The following ATPAF1 variants were observed in gnomAD, a reference collection of about 807,000 sequenced individuals.
ATPAF1 encodes homolog of yeast ATP11.
A neutral mutation model predicts 43.9 loss-of-function variants in ATPAF1; 26 were observed. The observed-to-expected ratio is 0.59, with a 90% CI of 0.43 to 0.82. ATPAF1 has a LOEUF of 0.82. Ranked by LOEUF, ATPAF1 falls within the 40% of genes least tolerant of loss-of-function variation. The pLI, the probability that ATPAF1 is intolerant of heterozygous loss-of-function variation, is 0.00. For synonymous variants in ATPAF1, 157 were observed against 168.0 expected, an observed-to-expected ratio of 0.93 and a Z score of 0.50; for missense variants, 366 against 435.0, an observed-to-expected ratio of 0.84 and a Z score of 1.41.
At chr1:46,637,688 A>T (rs1675868335) in intron 8 of ATPAF1, among the ~76,000 whole-genome samples, 1 of 152,164 alleles carries the variant, frequency 6.6e-6, no homozygotes, top group Non-Finnish European at 1.5e-5. Flanking sequence ...GACTTTCAGG[A>T]CATTTCTCAT....
At chr1:46,646,054 T>G (rs1461062216) in intron 6 of ATPAF1, among the ~76,000 whole-genome samples, 1 of 152,214 alleles carries the variant, frequency 6.6e-6, no homozygotes, top group African/African-American at 2.4e-5. Context: ...CATGTGCCTG[T>G]TGTCCTAGCT....
chr1:46,640,907 C>T (rs1343966969), intron 8 of ATPAF1, among the ~76,000 whole-genome samples: 1 of 152,100 alleles, frequency 6.6e-6, no homozygotes, highest in Non-Finnish European at 1.5e-5. Flanking sequence ...ACCACTACCT[C>T]TATCCATCTA....
chr1:46,655,207 G>T (rs1676249200), intron 4 of ATPAF1, among the ~76,000 whole-genome samples: 1 of 152,068 alleles, frequency 6.6e-6, no homozygotes, highest in African/African-American at 2.4e-5. Flanking sequence ...TGGGGATTAT[G>T]GGAACTACAA....
upstream of ATPAF1, chr1:46,668,405 C>A: frequency 8.5e-7 from 1 of 1,181,900 alleles, no homozygotes; most frequent in Non-Finnish European, 1.0e-6. This position sits in a 1 kb window ranked among gnomAD's most constrained non-coding sequence, Gnocchi z 4.4. Flanking sequence ...GCTCCGAGTG[C>A]GCCGCGCCCG....
rs1275354745 is a variant in ATPAF1 at position 46,668,346 on chromosome 1, C to T, written c.-24G>A. The T allele has an allele frequency of 5.2e-6, 7 of 1,335,418 alleles. No individual in the cohort carries two copies. Among genetic ancestry groups the T allele is most frequent in the Non-Finnish European group, 6.7e-6 (7 of 1,039,238 alleles). The allele number at this position is 1,335,418 out of a possible 1,614,324, so 82.7% of individuals were successfully genotyped here. ...ATGGCCGCCCCCGCCTCCTCCTCCT[C>T]CTCAGGCGCGTCGGCCTCGGCCCGC... On this transcript the variant is annotated 5_prime_UTR_variant, in exon 1 of 9. Coordinates refer to ENST00000574428, the Ensembl canonical transcript of ATPAF1. The surrounding 1 kb of genome is among the most constrained non-coding windows in gnomAD (Gnocchi z 4.4).
At chr1:46,658,581 C>T (rs1676321774) in intron 3 of ATPAF1, 106 bp downstream of exon 3, 2 of 816,716 alleles carry the variant, frequency 2.4e-6, no homozygotes, top group Non-Finnish European at 3.8e-6. Flanking sequence ...AATCACCTTA[C>T]ACAAAATCAC....
chr1:46,656,340 C>T (rs1262716083), intron 4 of ATPAF1, among the ~76,000 whole-genome samples: 1 of 152,144 alleles, frequency 6.6e-6, no homozygotes, highest in Non-Finnish European at 1.5e-5. Flanking sequence ...TAGAGTTGGT[C>T]TGTTTTGTCA....
chr1:46,652,490 G>A (rs1676190087), intron 6 of ATPAF1, 91 bp downstream of exon 6: 118 of 1,298,166 alleles, frequency 9.1e-5, no homozygotes, highest in Non-Finnish European at 1.1e-4. Flanking sequence ...ACTATAACAT[G>A]TGAGACAGTA....
intron 6 of ATPAF1, among the ~76,000 whole-genome samples, chr1:46,645,862 A>G (rs1676033826): frequency 6.6e-6 from 1 of 152,170 alleles, no homozygotes; most frequent in African/African-American, 2.4e-5. Context: ...GTATATGCGT[A>G]TAACTGTAAG....
intron 8 of ATPAF1, among the ~76,000 whole-genome samples, chr1:46,637,798 T>G (rs1169509939): frequency 3.9e-5 from 6 of 152,158 alleles, no homozygotes; most frequent in Admixed American, 3.9e-4. Context: ...AGAAGGGACC[T>G]CAGAGATCAC....
intron 6 of ATPAF1, among the ~76,000 whole-genome samples, chr1:46,646,877 A>G (rs537664791): frequency 4.3e-4 from 65 of 152,246 alleles, no homozygotes; most frequent in African/African-American, 1.6e-3. Context: ...CTAAGCAACC[A>G]CTGATTTGCT....
intron 2 of ATPAF1, among the ~76,000 whole-genome samples, chr1:46,659,926 G>A (rs897884281): frequency 2.0e-5 from 3 of 151,582 alleles, no homozygotes; most frequent in East Asian, 1.9e-4. Flanking sequence ...CAGTGTAGCC[G>A]TTCCTTCATA....
intron 8 of ATPAF1, among the ~76,000 whole-genome samples, chr1:46,641,262 A>T (rs1372758593): frequency 6.6e-6 from 1 of 151,518 alleles, no homozygotes; most frequent in African/African-American, 2.4e-5. Context: ...TATTTTTTGT[A>T]GACACAGGGT....
intron 6 of ATPAF1, among the ~76,000 whole-genome samples, chr1:46,652,053 G>A (rs1304281584): frequency 6.6e-6 from 1 of 152,124 alleles, no homozygotes; most frequent in Non-Finnish European, 1.5e-5. Flanking sequence ...GATTCTGAAT[G>A]TTACCAATAC....
chr1:46,641,444 C>T (rs1675948778), intron 8 of ATPAF1, among the ~76,000 whole-genome samples: 1 of 152,166 alleles, frequency 6.6e-6, no homozygotes, highest in Non-Finnish European at 1.5e-5. Context: ...AAAAGATACC[C>T]TTGGGCGCAC....
chr1:46,643,122 G>T, intron 8 of ATPAF1, 72 bp downstream of exon 8: 1 of 1,251,248 alleles, frequency 8.0e-7, no homozygotes. Context: ...TCTCTCTCAT[G>T]AGCTTTGGCA....
At chr1:46,649,786 C>T (rs556144938) in intron 6 of ATPAF1, among the ~76,000 whole-genome samples, 2 of 151,830 alleles carry the variant, frequency 1.3e-5, no homozygotes, top group Non-Finnish European at 2.9e-5. Context: ...ATTAGCTGAG[C>T]ATGGGGGTGC....
At chr1:46,648,935 T>C (rs931019458) in intron 6 of ATPAF1, among the ~76,000 whole-genome samples, 5 of 151,932 alleles carry the variant, frequency 3.3e-5, no homozygotes, top group African/African-American at 9.7e-5. Flanking sequence ...GCAGAGATCA[T>C]GCCACTGCAC....
chr1:46,655,841 TTTTA>T lies in ATPAF1; in HGVS notation c.490-1978_490-1975del, dbSNP rs541887230. Reference sequence around the variant, plus strand: ...AGTTTTCCTATGAGCTGCTTTTCTATTTTATTTATTTCCTCCCCCTTGCTTTCAT... The same window carrying T: ...AGTTTTCCTATGAGCTGCTTTTCTATTTTATTTCCTCCCCCTTGCTTTCAT... On this transcript the variant is annotated intron_variant, in intron 4 of 8. Transcript: ENST00000574428. Among the ~76,000 whole-genome samples, 80 of 152,314 alleles carry T rather than the reference TTTTA, an allele frequency of 5.3e-4. 1 individual carries two copies. Among genetic ancestry groups the T allele is most frequent in the Admixed American group, 3.1e-3 (47 of 15,290 alleles).
Sources: gnomAD v4.1 joint callset for allele counts (sites outside exome capture counted in the v4.1 genomes callset) on GRCh38, gnomAD v4.1.1 for gene constraint, Gnocchi (gnomAD v3.1) non-coding constraint, MANE v1.5 for transcripts, NCBI Gene and HGNC (gene_info 2026-07-23, HGNC 2026-07-21) for gene names.